PLD5: variants seen among roughly 807,000 people sequenced by gnomAD.
PLD5 encodes inactive phospholipase D5.
PLD5 carries 36 observed loss-of-function variants against 61.1 expected under a neutral mutation model. The ratio of observed to expected loss-of-function variants is 0.59; its 90% CI spans 0.45 to 0.78. The LOEUF (loss-of-function observed/expected upper bound fraction) is 0.78, where lower values mean the gene tolerates loss of function less well. PLD5 is among the 30% of genes least tolerant of loss of function. The pLI is 0.00. For synonymous variants in PLD5, 243 were observed against 242.8 expected (o/e 1.00, Z -0.01); for missense variants, 515 against 644.4 (o/e 0.80, Z 2.17).
intron 1 of PLD5, among the ~76,000 whole-genome samples, chr1:242,466,709 A>G (rs1558587344): frequency 6.6e-6 from 1 of 152,274 alleles, no homozygotes; most frequent in African/African-American, 2.4e-5. Flanking sequence ...CCTGGCCAAC[A>G]TGGTGAAACC....
At chr1:242,285,838 T>C (rs1468532922) in intron 3 of PLD5, among the ~76,000 whole-genome samples, 1 of 152,132 alleles carries the variant, frequency 6.6e-6, no homozygotes, top group Non-Finnish European at 1.5e-5. Context: ...CCAGGCACAG[T>C]GGCTCACACC....
chr1:242,319,058 C>A (rs967462194), intron 2 of PLD5, among the ~76,000 whole-genome samples: 2 of 152,064 alleles, frequency 1.3e-5, no homozygotes, highest in African/African-American at 4.8e-5. Context: ...TCCAGAGAAG[C>A]CCTCCTCGAA....
At chr1:242,484,614 G>C (rs925017185) in intron 1 of PLD5, among the ~76,000 whole-genome samples, 2 of 152,130 alleles carry the variant, frequency 1.3e-5, no homozygotes, top group African/African-American at 4.8e-5. Flanking sequence ...ATTCACAGCT[G>C]AATTCTACCA....
intron 1 of PLD5, among the ~76,000 whole-genome samples, chr1:242,422,698 G>T (rs907382438): frequency 6.6e-6 from 1 of 152,156 alleles, no homozygotes; most frequent in Non-Finnish European, 1.5e-5. Context: ...TCTTTGGGGC[G>T]CAATGTTAGC....
intron 9 of PLD5, among the ~76,000 whole-genome samples, chr1:242,096,233 C>T (rs1183807076): frequency 6.6e-6 from 1 of 152,198 alleles, no homozygotes; most frequent in African/African-American, 2.4e-5. Context: ...GCTGGGATTA[C>T]AGGCGTGAGC....
At chr1:242,479,586 AT>A (rs1667704915) in intron 1 of PLD5, among the ~76,000 whole-genome samples, 1 of 152,222 alleles carries the variant, frequency 6.6e-6, no homozygotes, top group African/African-American at 2.4e-5. Flanking sequence ...TATTGTTAAG[AT>A]TTTAATTCTC....
At chr1:242,389,763 A>G (rs1662816304) in intron 1 of PLD5, among the ~76,000 whole-genome samples, 2 of 152,208 alleles carry the variant, frequency 1.3e-5, no homozygotes, top group African/African-American at 4.8e-5. Flanking sequence ...AGGGATTAAT[A>G]AACAGTGGGC....
chr1:242,449,254 G>C, intron 1 of PLD5: 1 of 1,439,428 alleles, frequency 6.9e-7, no homozygotes, highest in Non-Finnish European at 9.4e-7. Flanking sequence ...TCAAGTGACT[G>C]TTCAGTCTCA....
chr1:242,442,588 G>A (rs1289410687), intron 1 of PLD5, among the ~76,000 whole-genome samples: 2 of 152,282 alleles, frequency 1.3e-5, no homozygotes, highest in East Asian at 3.9e-4. Flanking sequence ...TTTGAGCGGG[G>A]TGCTAATTAC....
chr1:242,157,804 T>C (rs1010844933), intron 5 of PLD5, among the ~76,000 whole-genome samples: 1 of 152,224 alleles, frequency 6.6e-6, no homozygotes, highest in Non-Finnish European at 1.5e-5. Flanking sequence ...AGGGACCTAC[T>C]TGAGGAGGCA....
At chr1:242,404,897 T>TTTTTTTTG (rs1664145791) in intron 1 of PLD5, among the ~76,000 whole-genome samples, 1 of 144,230 alleles carries the variant, frequency 6.9e-6, no homozygotes. Flanking sequence ...TTTTTTTTTT[T>TTTTTTTTG]GAGATGTAGT....
intron 1 of PLD5, among the ~76,000 whole-genome samples, chr1:242,501,447 C>A (rs1668551413): frequency 6.6e-6 from 1 of 152,192 alleles, no homozygotes; most frequent in African/African-American, 2.4e-5. Flanking sequence ...TCTCGTATGA[C>A]CTTCACCCTC....
At chr1:242,191,658 A>T (rs1266842952) in intron 5 of PLD5, among the ~76,000 whole-genome samples, 2 of 152,296 alleles carry the variant, frequency 1.3e-5, no homozygotes, top group East Asian at 3.9e-4. Flanking sequence ...AGATATGAGT[A>T]GAAGGAAAAG....
chr1:242,528,791 C>G (rs1669495858), upstream of PLD5, among the ~76,000 whole-genome samples: 1 of 152,106 alleles, frequency 6.6e-6, no homozygotes, highest in Non-Finnish European at 1.5e-5. Flanking sequence ...CATTGACTCT[C>G]AATAAAGGAT....
intron 7 of PLD5, among the ~76,000 whole-genome samples, chr1:242,112,839 C>T (rs899010335): frequency 2.0e-5 from 3 of 152,208 alleles, no homozygotes; most frequent in Admixed American, 6.5e-5. Flanking sequence ...ACTAATTATT[C>T]AAGCACCTCT....
At position 242,279,319 on chromosome 1, in the gene PLD5, A is replaced by G. The variant is rs550982944; in HGVS notation, c.495+9043T>C. Among the ~76,000 whole-genome samples, 3 of 152,324 alleles carry G rather than the reference A, an allele frequency of 2.0e-5. No homozygotes were observed. The East Asian group carries it at 5.8e-4, about 29-fold the overall frequency. Reference sequence around the variant, plus strand: ...GGATGGTTTAAAACAGTGATTCTCAATCCTGGGTGCCCAGTAAAATCCCCT... The same window carrying G: ...GGATGGTTTAAAACAGTGATTCTCAGTCCTGGGTGCCCAGTAAAATCCCCT... On this transcript the variant is annotated intron_variant, in intron 3 of 9. Coordinates refer to ENST00000536534, the MANE Select transcript of PLD5 (RefSeq NM_001372062.1).
rs1409498556 is a variant in PLD5, at chr1:242,084,077, CTAATT to C, written c.*5772_*5776del. ...CATAAAAAGAGATCTTTTCTCCTTACTAATTTATCTCTCATATAAAAATAAATCAC... is the reference window on the plus strand; with the variant it reads ...CATAAAAAGAGATCTTTTCTCCTTACTATCTCTCATATAAAAATAAATCAC... On this transcript the variant is annotated 3_prime_UTR_variant, in exon 10 of 10. Coordinates refer to ENST00000536534, the MANE Select transcript of PLD5 (RefSeq NM_001372062.1). The C allele has an allele frequency of 1.3e-5, 2 of 152,224 alleles. No individual in the cohort carries two copies. The highest frequency in any genetic ancestry group is 1.9e-4 in the East Asian group (1 of 5,184). The allele number at this position is 152,224 out of a possible 1,614,324, so 9.4% of individuals were successfully genotyped here.
intron 4 of PLD5, among the ~76,000 whole-genome samples, chr1:242,239,801 C>T (rs402650): frequency 0.051 from 7,764 of 152,226 alleles, 675 homozygotes; most frequent in African/African-American, 0.18. Context: ...TTTAAAGCTG[C>T]TGAGAAAATT....
intron 5 of PLD5, among the ~76,000 whole-genome samples, chr1:242,193,777 A>T (rs1668431049): frequency 6.6e-6 from 1 of 152,156 alleles, no homozygotes. Context: ...CAAATCTGTG[A>T]CCCCAGGAGT....
Sources: allele counts gnomAD v4.1 joint callset (sites outside exome capture counted in the v4.1 genomes callset), GRCh38; gene constraint gnomAD v4.1.1; transcripts MANE v1.5; gene names NCBI Gene and HGNC (gene_info 2026-07-23, HGNC 2026-07-21).